RBL1: variants seen among roughly 807,000 people sequenced by gnomAD.
RBL1 encodes the protein retinoblastoma-like protein 1.
Under a neutral mutation model 123.0 loss-of-function variants are expected in RBL1, and 82 were observed. That is an observed-to-expected ratio of 0.67 (90% CI 0.56 to 0.80). The LOEUF is 0.80. RBL1 is among the 30% of genes least tolerant of loss of function. The pLI is 0.00. For synonymous variants in RBL1, 405 were observed against 441.3 expected (o/e 0.92, Z 1.03); for missense variants, 1,171 against 1,299.6 (o/e 0.90, Z 1.52).
Position 37,095,940 on chromosome 20 carries a change from C to T in RBL1, c.-12G>A. The T allele has an allele frequency of 6.6e-7, 1 of 1,526,512 alleles. No individual in the cohort carries two copies. Among genetic ancestry groups the T allele is most frequent in the East Asian group, 2.4e-5 (1 of 42,374 alleles). The allele number at this position is 1,526,512 out of a possible 1,614,324, so 94.6% of individuals were successfully genotyped here. A position where few individuals can be genotyped will look rare whatever the true frequency, so the allele number is the denominator to read the frequency against. The stretch of plus-strand genomic sequence containing the variant: ...TTGTCCTCGAACATCCCTTCAGGCC[C>T]CGCGGGCTGCGCGCCACGGCCCCCG... On this transcript the variant is annotated 5_prime_UTR_variant, in exon 1 of 22. Transcript: ENST00000373664.
At chr20:37,075,537 C>A (rs1476974643) in intron 2 of RBL1, among the ~76,000 whole-genome samples, 1 of 152,032 alleles carries the variant, frequency 6.6e-6, no homozygotes, top group Non-Finnish European at 1.5e-5. Flanking sequence ...CTCACTGCAA[C>A]CTCCACCTCC....
At chr20:37,090,240 G>A (rs1017658674) in intron 1 of RBL1, among the ~76,000 whole-genome samples, 5 of 152,162 alleles carry the variant, frequency 3.3e-5, no homozygotes, top group Admixed American at 1.3e-4. Context: ...AAACAGCCTA[G>A]GTGTATAGTA....
At chr20:37,002,860 T>G (rs1311229205) in intron 21 of RBL1, among the ~76,000 whole-genome samples, 1 of 151,536 alleles carries the variant, frequency 6.6e-6, no homozygotes, top group Non-Finnish European at 1.5e-5. Context: ...GTAGCTGAGA[T>G]TATAGGTGCG....
intron 9 of RBL1, among the ~76,000 whole-genome samples, chr20:37,057,004 T>TCTACCTACCTACCTACCTACCTACCTAC (rs58869678): frequency 1.4e-5 from 2 of 147,506 alleles, no homozygotes; most frequent in Non-Finnish European, 3.0e-5. Flanking sequence ...TATCTATCTA[T>TCTACCTACCTACCTACCTACCTACCTAC]CTACCTACCT....
intron 21 of RBL1, 119 bp from the exon 22 acceptor site, chr20:36,999,048 A>G: frequency 2.2e-6 from 2 of 927,158 alleles, no homozygotes; most frequent in Non-Finnish European, 3.2e-6. Context: ...ACACTGGGAT[A>G]AGGACTCTTT....
chr20:37,058,820 T>C (rs1396605299), intron 9 of RBL1, among the ~76,000 whole-genome samples: 18 of 151,746 alleles, frequency 1.2e-4, no homozygotes, highest in Non-Finnish European at 1.5e-5. Flanking sequence ...TAGAGTACAA[T>C]GGTGTGATCA....
At chr20:37,032,909 C>T in intron 15 of RBL1, 33 bp from the exon 16 acceptor site, 2 of 1,610,062 alleles carry the variant, frequency 1.2e-6, no homozygotes, top group South Asian at 1.1e-5. Flanking sequence ...AAATAATCTG[C>T]ATATGTTCTA....
intron 21 of RBL1, among the ~76,000 whole-genome samples, chr20:37,001,918 T>TAAAAAAAAAAAAAAAAAAAAA (rs757774894): frequency 1.2e-5 from 1 of 86,544 alleles, no homozygotes; most frequent in Non-Finnish European, 2.2e-5. Flanking sequence ...TGCAGAACAA[T>TAAAAAAAAAAAAAAAAAAAAA]AAAAAAAAAA....
chr20:37,074,441 G>C (rs1025503078), intron 2 of RBL1, among the ~76,000 whole-genome samples: 4 of 148,624 alleles, frequency 2.7e-5, no homozygotes, highest in African/African-American at 1.0e-4. Context: ...AAATTTAAGA[G>C]AGAGAGAGAG....
At chr20:37,058,130 C>CAAAAAAAAAAAAAAAA (rs1568865641) in intron 9 of RBL1, among the ~76,000 whole-genome samples, 1 of 116,800 alleles carries the variant, frequency 8.6e-6, no homozygotes, top group Non-Finnish European at 1.8e-5. Context: ...AAAAAAAAAA[C>CAAAAAAAAAAAAAAAA]AAAACAAAAC....
At position 37,003,701 on chromosome 20, in the gene RBL1, C is replaced by T. The variant is rs1228508886; in HGVS notation, c.3036+1G>A. On this transcript the variant is annotated splice_donor_variant, in intron 21 of 21. Transcript: ENST00000373664. LOFTEE classifies it high-confidence loss of function. ...TCCAACTTTTAGCCTATTCACCTTA[C>T]CTTAGAAGGGCTGCCATTGAACTTG... 3 of 1,604,686 alleles carry T rather than the reference C, an allele frequency of 1.9e-6. No homozygotes were observed. In the Admixed American group the frequency reaches 5.1e-5, roughly 27 times the overall value.
At chr20:37,035,129 T>A in intron 15 of RBL1, 113 bp downstream of exon 15, 29 of 1,022,992 alleles carry the variant, frequency 2.8e-5, no homozygotes, top group Admixed American at 2.2e-4. Context: ...AAAAAAAAAG[T>A]ATAGGTTCAA....
intron 20 of RBL1, among the ~76,000 whole-genome samples, chr20:37,005,403 T>C (rs2064054301): frequency 6.8e-6 from 1 of 146,742 alleles, no homozygotes; most frequent in Non-Finnish European, 1.5e-5. Flanking sequence ...CGAGACTCCT[T>C]CTCAAAAAAA....
At chr20:37,077,754 C>T (rs2065387846) in intron 2 of RBL1, among the ~76,000 whole-genome samples, 1 of 149,364 alleles carries the variant, frequency 6.7e-6, no homozygotes. Context: ...CTTTCATGCC[C>T]TTTACCCAAA....
chr20:37,027,526 C>T (rs906794841), intron 16 of RBL1, among the ~76,000 whole-genome samples: 3 of 152,150 alleles, frequency 2.0e-5, no homozygotes, highest in Non-Finnish European at 2.9e-5. Flanking sequence ...AGCCAACCAT[C>T]TAGCTGTGGG....
chr20:37,064,923 G>T (rs1366541229), intron 7 of RBL1, among the ~76,000 whole-genome samples: 1 of 151,146 alleles, frequency 6.6e-6, no homozygotes, highest in Non-Finnish European at 1.5e-5. Flanking sequence ...ACCATGCCCG[G>T]CCTCTTTCTT....
intron 1 of RBL1, among the ~76,000 whole-genome samples, chr20:37,092,107 G>A (rs1420645591): frequency 1.3e-5 from 2 of 152,030 alleles, no homozygotes; most frequent in African/African-American, 4.8e-5. Flanking sequence ...GCAGGACGTG[G>A]TGGTATGCGC....
chr20:37,050,544 C>CAAAA lies in RBL1; in HGVS notation c.1468-3358_1468-3355dup, dbSNP rs148834732. Among the ~76,000 whole-genome samples the CAAAA allele has an allele frequency of 2.6e-3, 29 of 10,948 alleles. 3 individuals are homozygous for CAAAA. Among genetic ancestry groups the CAAAA allele is most frequent in the African/African-American group, 0.011 (29 of 2,746 alleles). The allele number at this position is 10,948 out of a possible 152,430, so 7.2% of individuals were successfully genotyped here. A position where few individuals can be genotyped will look rare whatever the true frequency, so the allele number is the denominator to read the frequency against. ...TGGGTGGCAGAGCAAGACTCTGTCT[C>CAAAA]AAAAAAAAAAAAAAAAAAAAAAAAA... On this transcript the variant is annotated intron_variant, in intron 11 of 21. Transcript: ENST00000373664.
rs1340725828 is a variant in RBL1, at chr20:37,066,817, T to C, written c.753A>G (p.Val251=). The part of the protein sequence containing the change: ...ASEEPPCIIA[V]LCELHDGLLV... ...GAAGTCCATCATGCAGTTCACACAG[T>C]ACAGCAATGATGCAGGGTGGCTCTT... The change falls in exon 6 of 22, where the codon GTA becomes GTG. Residue 251 remains valine, a synonymous_variant. Coordinates refer to ENST00000373664, the MANE Select transcript of RBL1 (RefSeq NM_002895.5). 6.2e-7 allele frequency: 1 copy of C among 1,612,716 alleles called. No individual in the cohort carries two copies. The highest frequency in any genetic ancestry group is 1.3e-5 in the African/African-American group (1 of 74,946).
Sources: allele counts gnomAD v4.1 joint callset (sites outside exome capture counted in the v4.1 genomes callset), GRCh38; gene constraint gnomAD v4.1.1; transcripts MANE v1.5; gene names NCBI Gene and HGNC (gene_info 2026-07-23, HGNC 2026-07-21).